Variants in ATXN7L1 observed in about 807,000 individuals in gnomAD.
ATXN7L1 encodes ataxin 7 like 1.
Under a neutral mutation model 70.8 loss-of-function variants are expected in ATXN7L1, and 15 were observed. That is an observed-to-expected ratio of 0.21 (90% confidence interval 0.14 to 0.33). ATXN7L1 has a LOEUF of 0.33. Among genes scored for constraint, ATXN7L1 ranks in the 10% least tolerant of loss-of-function variants. ATXN7L1 has a pLI of 1.00. For missense variants in ATXN7L1, 975 were observed against 1,097.1 expected, an observed-to-expected ratio of 0.89 and a Z score of 1.57; for synonymous variants, 440 against 445.1, an observed-to-expected ratio of 0.99 and a Z score of 0.14.
At chr7:105,625,623 A>T (rs761111940) in intron 7 of ATXN7L1, among the ~76,000 whole-genome samples, 2 of 152,208 alleles carry the variant, frequency 1.3e-5, no homozygotes, top group Non-Finnish European at 2.9e-5. Flanking sequence ...CTAAAGAGAT[A>T]TTTTTTTCAA....
At chr7:105,687,483 A>G (rs1790084534) in intron 3 of ATXN7L1, among the ~76,000 whole-genome samples, 1 of 152,236 alleles carries the variant, frequency 6.6e-6, no homozygotes, top group Non-Finnish European at 1.5e-5. Context: ...GCACAAGTCC[A>G]GAGGGTGGAT....
At chr7:105,619,683 C>G (rs991652815) in intron 9 of ATXN7L1, among the ~76,000 whole-genome samples, 5 of 150,034 alleles carry the variant, frequency 3.3e-5, no homozygotes, top group Admixed American at 6.7e-5. Context: ...TTTCAAGTAG[C>G]TAGGATCATA....
At chr7:105,874,785 C>T (rs1818780056) in intron 2 of ATXN7L1, among the ~76,000 whole-genome samples, 1 of 152,238 alleles carries the variant, frequency 6.6e-6, no homozygotes, top group Non-Finnish European at 1.5e-5. Context: ...CAGGCTTCAG[C>T]TGCCTTCCAG....
intron 7 of ATXN7L1, among the ~76,000 whole-genome samples, chr7:105,625,058 A>G (rs570432066): frequency 6.6e-6 from 1 of 152,322 alleles, no homozygotes; most frequent in South Asian, 2.1e-4. Flanking sequence ...GTAATGAAGA[A>G]ATGCAGTCCT....
chr7:105,759,481 TGTG>T (rs1563070797), intron 3 of ATXN7L1, among the ~76,000 whole-genome samples: 154 of 125,032 alleles, frequency 1.2e-3, no homozygotes, highest in African/African-American at 3.6e-3. Context: ...TGTGTGTGTG[TGTG>T]TGTGTGTATG....
chr7:105,830,167 T>TG (rs534941186), intron 2 of ATXN7L1, among the ~76,000 whole-genome samples: 73 of 152,340 alleles, frequency 4.8e-4, no homozygotes, highest in African/African-American at 1.7e-3. Context: ...AGAAATGACC[T>TG]GGGGGTCTGT....
chr7:105,740,675 G>A (rs772417363), intron 3 of ATXN7L1, among the ~76,000 whole-genome samples: 2 of 151,934 alleles, frequency 1.3e-5, no homozygotes, highest in South Asian at 2.1e-4. Flanking sequence ...TGGATGAAAT[G>A]GGCATAACAA....
At chr7:105,813,583 C>T (rs1055198676) in intron 2 of ATXN7L1, among the ~76,000 whole-genome samples, 1 of 152,086 alleles carries the variant, frequency 6.6e-6, no homozygotes, top group African/African-American at 2.4e-5. Flanking sequence ...GTGATCCACC[C>T]GCCTCGGCCT....
intron 2 of ATXN7L1, among the ~76,000 whole-genome samples, chr7:105,811,802 G>C (rs1397521814): frequency 6.6e-6 from 1 of 152,116 alleles, no homozygotes; most frequent in African/African-American, 2.4e-5. Flanking sequence ...AAAACCAAGA[G>C]TGCCAAGTCC....
chr7:105,733,001 C>T (rs938070025), intron 3 of ATXN7L1, among the ~76,000 whole-genome samples: 4 of 152,190 alleles, frequency 2.6e-5, no homozygotes, highest in African/African-American at 9.7e-5. Flanking sequence ...AATAGCAACC[C>T]TACATCATCA....
rs527415484 is a variant in ATXN7L1 at position 105,726,759 on chromosome 7, G to C, written c.356-61471C>G. On this transcript the variant is annotated intron_variant, in intron 3 of 11. Coordinates refer to ENST00000419735, the MANE Select transcript of ATXN7L1 (RefSeq NM_020725.2). ...GAGAGACCAGGAAGGATTCTGCCCT[G>C]TGCCTGCCATCTTGGTCCTCCTGTG... Among the ~76,000 whole-genome samples the C allele has an allele frequency of 3.9e-5, 6 of 152,282 alleles. No homozygotes were observed. The East Asian group carries it at 9.6e-4, about 24-fold the overall frequency.
intron 2 of ATXN7L1, among the ~76,000 whole-genome samples, chr7:105,790,678 T>TCTAC (rs2116487755): frequency 7.5e-6 from 1 of 132,564 alleles, no homozygotes; most frequent in East Asian, 2.0e-4. Flanking sequence ...CTATCTACTA[T>TCTAC]CTATCTATCT....
At chr7:105,825,371 G>C (rs1236912303) in intron 2 of ATXN7L1, among the ~76,000 whole-genome samples, 1 of 152,112 alleles carries the variant, frequency 6.6e-6, no homozygotes, top group African/African-American at 2.4e-5. Context: ...AGTAGGCTGA[G>C]GGGCTAATGG....
At chr7:105,631,722 C>T (rs1796627746) in intron 7 of ATXN7L1, among the ~76,000 whole-genome samples, 1 of 152,224 alleles carries the variant, frequency 6.6e-6, no homozygotes, top group Non-Finnish European at 1.5e-5. Flanking sequence ...CTCCCTGGGC[C>T]TTCCAAAGTG....
chr7:105,808,530 G>T (rs1807940728), intron 2 of ATXN7L1, among the ~76,000 whole-genome samples: 1 of 152,196 alleles, frequency 6.6e-6, no homozygotes, highest in Non-Finnish European at 1.5e-5. Flanking sequence ...TTATGGGAAG[G>T]AAGCATCAAC....
At chr7:105,736,336 G>A (rs919168329) in intron 3 of ATXN7L1, among the ~76,000 whole-genome samples, 5 of 152,214 alleles carry the variant, frequency 3.3e-5, no homozygotes, top group African/African-American at 9.7e-5. Flanking sequence ...CTTGCAGCAC[G>A]ATAATGAACA....
chr7:105,620,351 T>A (rs953720781), intron 8 of ATXN7L1, 30 bp from the exon 9 acceptor site: 1 of 1,529,682 alleles, frequency 6.5e-7, no homozygotes, highest in African/African-American at 1.4e-5. Context: ...TTAATTTTGA[T>A]TACAGGTTAA....
intron 4 of ATXN7L1, chr7:105,649,622 C>T (rs769098996): frequency 6.1e-6 from 6 of 979,578 alleles, no homozygotes; most frequent in Non-Finnish European, 7.3e-6. Context: ...CAATGTGCCG[C>T]AGGGCCAGCT....
intron 3 of ATXN7L1, among the ~76,000 whole-genome samples, chr7:105,736,079 G>T (rs1363384252): frequency 5.3e-5 from 8 of 152,146 alleles, no homozygotes; most frequent in African/African-American, 1.9e-4. Flanking sequence ...AGGGACTCTA[G>T]AGTTCCTTGT....
Sources: gnomAD v4.1 joint callset for allele counts (sites outside exome capture counted in the v4.1 genomes callset) on GRCh38, gnomAD v4.1.1 for gene constraint, MANE v1.5 for transcripts, NCBI Gene and HGNC (gene_info 2026-07-23, HGNC 2026-07-21) for gene names.